FANCM: variants seen among roughly 807,000 people sequenced by gnomAD.
The protein encoded by FANCM is Fanconi anemia group M protein.
A neutral mutation model predicts 199.5 loss-of-function variants in FANCM; 140 were observed. The ratio of observed to expected loss-of-function variants is 0.70; its 90% CI spans 0.61 to 0.81. The LOEUF (loss-of-function observed/expected upper bound fraction) is 0.81, where lower values mean the gene tolerates loss of function less well. Ranked by LOEUF, FANCM falls within the 30% of genes least tolerant of loss-of-function variation. The pLI, the probability that FANCM is intolerant of heterozygous loss-of-function variation, is 0.00. For synonymous variants in FANCM, 840 were observed against 836.8 expected (o/e 1.00, Z -0.07); for missense variants, 2,410 against 2,421.4 (o/e 1.00, Z 0.10).
At position 45,175,743 on chromosome 14, in the gene FANCM, TCTC is replaced by T. The variant is rs1216785495; in HGVS notation, c.2994_2996del (p.Pro1000del). Reference sequence around the variant, plus strand: ...TAATGTAGAGAGATTTTTATCTTATTCTCCTCCGCCTCTCAGTGGACTCTCAGA... The same window carrying T: ...TAATGTAGAGAGATTTTTATCTTATTCTCCGCCTCTCAGTGGACTCTCAGA... On this transcript the variant is annotated inframe_deletion, in exon 14 of 23. Transcript: ENST00000267430. 3 of 1,613,814 alleles carry T rather than the reference TCTC, an allele frequency of 1.9e-6. No homozygotes were observed. The highest frequency in any genetic ancestry group is 3.3e-5 in the Admixed American group (2 of 60,022).
In FANCM at chr14:45,167,307, C is replaced by T. The variant is rs143494116; in HGVS notation, c.2002+144C>T. 1.1e-4 allele frequency: 69 copies of T among 655,062 alleles called. No homozygotes were observed. In the East Asian group the frequency reaches 1.1e-3, roughly 11 times the overall value. 40.6% of individuals were successfully genotyped at this position (655,062 alleles called of 1,614,324 possible). A position where few individuals can be genotyped will look rare whatever the true frequency, so the allele number is the denominator to read the frequency against. On this transcript the variant is annotated intron_variant, in intron 11 of 22. Coordinates refer to ENST00000267430, the MANE Select transcript of FANCM (RefSeq NM_020937.4). Reference sequence around the variant, plus strand: ...AGGCATTCTCTTTGGAAAGGCTGTACGAGATTATTCATGTGGCAAATGGAG... The same window carrying T: ...AGGCATTCTCTTTGGAAAGGCTGTATGAGATTATTCATGTGGCAAATGGAG...
intron 9 of FANCM, among the ~76,000 whole-genome samples, chr14:45,162,899 T>C (rs1196723051): frequency 6.6e-6 from 1 of 152,140 alleles, no homozygotes; most frequent in East Asian, 1.9e-4. Context: ...AAAGGACATC[T>C]GCTTTACTGT....
intron 2 of FANCM, among the ~76,000 whole-genome samples, chr14:45,139,676 C>T (rs1885769789): frequency 6.6e-6 from 1 of 152,174 alleles, no homozygotes; most frequent in South Asian, 2.1e-4. Context: ...TTAATGAATA[C>T]ACTTAATTTA....
In FANCM at chr14:45,159,705, C is replaced by A. The variant is rs1201984512; in HGVS notation, c.1581+425C>A. Among the ~76,000 whole-genome samples the A allele has an allele frequency of 2.0e-5, 3 of 152,062 alleles. No homozygotes were observed. In the East Asian group the frequency reaches 5.8e-4, roughly 29 times the overall value. On this transcript the variant is annotated intron_variant, in intron 9 of 22. Transcript: ENST00000267430. ...TAATTTATTCTAAACAAATAATTAG[C>A]CTCTTTTTATTTATTTAAAAATCTT...
chr14:45,188,319 A>G (rs975854425), intron 19 of FANCM, among the ~76,000 whole-genome samples: 4 of 152,240 alleles, frequency 2.6e-5, no homozygotes, highest in African/African-American at 9.6e-5. Context: ...AGCCTGGGCG[A>G]CAAGAGCAAA....
intron 4 of FANCM, among the ~76,000 whole-genome samples, chr14:45,150,318 C>A (rs994623560): frequency 6.6e-6 from 1 of 151,972 alleles, no homozygotes; most frequent in African/African-American, 2.4e-5. Flanking sequence ...AAAATCATTC[C>A]ATTTATAACA....
chr14:45,197,038 A>G (rs1043287950), intron 21 of FANCM, among the ~76,000 whole-genome samples: 1 of 152,216 alleles, frequency 6.6e-6, no homozygotes, highest in African/African-American at 2.4e-5. Context: ...TCGAGTTCTC[A>G]ATGGGTCACT....
At chr14:45,196,023 T>C (rs1349570959) in intron 20 of FANCM, 149 bp from the exon 21 acceptor site, 1 of 797,296 alleles carries the variant, frequency 1.3e-6, no homozygotes. Context: ...AGTAGTGACT[T>C]ATGTGTTCCT....
In FANCM at chr14:45,175,372, G is replaced by A. The variant is rs766902093; in HGVS notation, c.2618G>A (p.Gly873Asp). ...KDQLKKENNH[G>D]IIDSVDNDRN... ...CAGCTTAAAAAAGAAAATAATCACGGTATTATAGATTCTGTAGATAATGAC... is the reference window on the plus strand; with the variant it reads ...CAGCTTAAAAAAGAAAATAATCACGATATTATAGATTCTGTAGATAATGAC... Residue 873 changes from glycine to aspartate, a missense_variant, in exon 14 of 23, where the codon GGT becomes GAT. By Grantham distance (94) the Gly-to-Asp change is moderately conservative (BLOSUM62 -1). Transcript: ENST00000267430. 6.4e-7 allele frequency: 1 copy of A among 1,561,810 alleles called. No individual in the cohort carries two copies. Among genetic ancestry groups the A allele is most frequent in the Non-Finnish European group, 8.7e-7 (1 of 1,150,330 alleles).
Position 45,176,272 on chromosome 14 carries a change from T to G in FANCM, c.3518T>G (p.Val1173Gly). The part of the protein sequence containing the change: ...DKTAISETPL[V>G]SQFLISDELL... ...ACTGCTATTAGTGAAACGCCTCTGGTCTCTCAGTTCTTAATTTCTGATGAA... is the reference window on the plus strand; with the variant it reads ...ACTGCTATTAGTGAAACGCCTCTGGGCTCTCAGTTCTTAATTTCTGATGAA... The change falls in exon 14 of 23, where the codon GTC (valine) becomes GGC (glycine). Residue 1173 changes from valine (V) to glycine (G), a missense_variant. By Grantham distance (109) the Val-to-Gly change is moderately radical. Transcript: ENST00000267430. 1.2e-6 allele frequency: 2 copies of G among 1,614,072 alleles called. No homozygotes were observed. The highest frequency in any genetic ancestry group is 1.7e-6 in the Non-Finnish European group (2 of 1,179,926).
Position 45,164,518 on chromosome 14 carries a change from C to T in FANCM, c.1741C>T (p.Arg581Cys), listed in dbSNP as rs202171930. 1.1e-4 allele frequency: 185 copies of T among 1,613,462 alleles called. No individual in the cohort carries two copies. The East Asian group carries it at 1.4e-3, about 12-fold the overall frequency. The change falls in exon 10 of 23, where the codon CGT becomes TGT. Residue 581 changes from arginine to cysteine, a missense_variant. Transcript: ENST00000267430. ...ACGAATGGGTAGAACTGGCCGTAAA[C>T]GTCAAGGCAGGATAGTTATTATCCT... ...VQRMGRTGRK[R>C]QGRIVIILSE...
At chr14:45,184,488 C>T (rs1344199943) in intron 17 of FANCM, among the ~76,000 whole-genome samples, 1 of 151,668 alleles carries the variant, frequency 6.6e-6, no homozygotes, top group Non-Finnish European at 1.5e-5. Context: ...ATGGTGAAAC[C>T]CTGTCTCTAC....
At chr14:45,191,173 A>G (rs745922817) in intron 20 of FANCM, among the ~76,000 whole-genome samples, 1 of 152,138 alleles carries the variant, frequency 6.6e-6, no homozygotes, top group African/African-American at 2.4e-5. Flanking sequence ...TGGGACATTC[A>G]TCTCTTCAAG....
chr14:45,195,203 G>A (rs1232481610), intron 20 of FANCM, among the ~76,000 whole-genome samples: 1 of 151,948 alleles, frequency 6.6e-6, no homozygotes, highest in African/African-American at 2.4e-5. Flanking sequence ...TTTTCTTTCA[G>A]TTTCATACAT....
chr14:45,166,015 T>C (rs1887942231), intron 10 of FANCM, among the ~76,000 whole-genome samples: 1 of 152,196 alleles, frequency 6.6e-6, no homozygotes, highest in African/African-American at 2.4e-5. Context: ...CTTACACTTC[T>C]ATGTAAATAT....
intron 16 of FANCM, among the ~76,000 whole-genome samples, chr14:45,182,671 C>G (rs1313327849): frequency 6.6e-6 from 1 of 152,160 alleles, no homozygotes; most frequent in East Asian, 1.9e-4. Flanking sequence ...ACTAGCAAAT[C>G]TTGTCTGTTT....
Position 45,175,814 on chromosome 14 carries a change from G to A in FANCM, c.3060G>A (p.Leu1020=). The change falls in exon 14 of 23, where the codon TTG becomes TTA. Residue 1020 remains leucine (L), a synonymous_variant. Transcript: ENST00000267430. ...CTAAGGGTACTGCACTTGAGAATTT[G>A]CTTTTCTTACCCTGTGCAGAGCATT... The part of the protein sequence containing the change: ...EIAKGTALEN[L]LFLPCAEHLR... 2 of 1,613,844 alleles carry A rather than the reference G, an allele frequency of 1.2e-6. No homozygotes were observed. Among genetic ancestry groups the A allele is most frequent in the Non-Finnish European group, 1.7e-6 (2 of 1,179,950 alleles).
intron 5 of FANCM, among the ~76,000 whole-genome samples, chr14:45,151,895 C>T (rs565103377): frequency 4.6e-4 from 56 of 120,528 alleles, no homozygotes; most frequent in African/African-American, 1.7e-3. Context: ...GCCTAGGTGA[C>T]AGAGTTAGAC....
intron 22 of FANCM, 119 bp from the exon 23 acceptor site, chr14:45,199,751 C>CAT: frequency 1.2e-6 from 1 of 841,796 alleles, no homozygotes; most frequent in Non-Finnish European, 2.0e-6. Flanking sequence ...ATCAGCTGGG[C>CAT]GGATAATGCT....
Sources: allele counts gnomAD v4.1 joint callset (sites outside exome capture counted in the v4.1 genomes callset), GRCh38; gene constraint gnomAD v4.1.1; transcripts MANE v1.5; gene names NCBI Gene and HGNC (gene_info 2026-07-23, HGNC 2026-07-21).